CDH23: variants seen among roughly 807,000 people sequenced by gnomAD.
The protein encoded by CDH23 is cadherin related 23, also known as cadherin-23.
In CDH23, 189 loss-of-function variants were observed where a neutral mutation model predicts 317.1. The observed-to-expected ratio is 0.60, with a 90% confidence interval of 0.53 to 0.67. The LOEUF is 0.67. Among genes scored for constraint, CDH23 ranks in the 30% least tolerant of loss-of-function variants. The pLI, the probability that CDH23 is intolerant of heterozygous loss-of-function variation, is 0.00. For synonymous variants in CDH23, 1,839 were observed against 1,876.8 expected (o/e 0.98, Z 0.52); for missense variants, 4,401 against 4,592.4 (o/e 0.96, Z 1.20).
intron 6 of CDH23, among the ~76,000 whole-genome samples, chr10:71,513,589 A>C (rs1854115604): frequency 1.3e-5 from 2 of 152,216 alleles, no homozygotes; most frequent in South Asian, 4.1e-4. Flanking sequence ...CAGGGTGATC[A>C]GAGAAATCTC....
chr10:71,786,415 C>G (rs1466809418), intron 44 of CDH23, among the ~76,000 whole-genome samples: 5 of 151,932 alleles, frequency 3.3e-5, no homozygotes, highest in Non-Finnish European at 5.9e-5. Context: ...TCGGTCTAGC[C>G]AGAGGAGACG....
chr10:71,724,581 C>T (rs772138435), intron 29 of CDH23, among the ~76,000 whole-genome samples: 1 of 152,196 alleles, frequency 6.6e-6, no homozygotes, highest in Non-Finnish European at 1.5e-5. Context: ...GGATTACAGG[C>T]GTGAGCCACC....
chr10:71,441,934 C>T (rs897627420), intron 2 of CDH23, among the ~76,000 whole-genome samples: 6 of 152,118 alleles, frequency 3.9e-5, no homozygotes, highest in African/African-American at 7.2e-5. Flanking sequence ...GTCCCTTGGG[C>T]GAGTGTCTTA....
intron 9 of CDH23, among the ~76,000 whole-genome samples, chr10:71,578,820 A>G (rs1036152271): frequency 6.6e-6 from 1 of 152,210 alleles, no homozygotes. Context: ...CCGAAAGGAC[A>G]TCTGGCCACC....
At chr10:71,803,616 GC>G (rs1222335312) in intron 55 of CDH23, among the ~76,000 whole-genome samples, 196 bp downstream of exon 55, 1 of 152,040 alleles carries the variant, frequency 6.6e-6, no homozygotes, top group African/African-American at 2.4e-5. Flanking sequence ...AAGCAGACCT[GC>G]CCAGTGCCAC....
At chr10:71,473,166 A>T (rs1055961712) in intron 3 of CDH23, among the ~76,000 whole-genome samples, 1 of 152,200 alleles carries the variant, frequency 6.6e-6, no homozygotes, top group Non-Finnish European at 1.5e-5. Context: ...CCTGGCCTCC[A>T]TTCCCGCCTG....
chr10:71,671,385 A>G (rs1445913668), intron 14 of CDH23, among the ~76,000 whole-genome samples: 2 of 152,168 alleles, frequency 1.3e-5, no homozygotes, highest in Non-Finnish European at 1.5e-5. Flanking sequence ...AGGGAGACAG[A>G]GATGCTCATT....
At chr10:71,627,190 T>G (rs1324190905) in intron 11 of CDH23, among the ~76,000 whole-genome samples, 1 of 152,154 alleles carries the variant, frequency 6.6e-6, no homozygotes, top group African/African-American at 2.4e-5. Context: ...AAGGCCTCGG[T>G]TGTCTCACAG....
chr10:71,513,755 T>C (rs1019127328), intron 6 of CDH23, among the ~76,000 whole-genome samples: 1 of 152,050 alleles, frequency 6.6e-6, no homozygotes, highest in Non-Finnish European at 1.5e-5. Context: ...AACTAGGGAG[T>C]TGAACCCAGC....
At chr10:71,702,356 A>G in intron 23 of CDH23, 145 bp downstream of exon 23, 1 of 1,140,940 alleles carries the variant, frequency 8.8e-7, no homozygotes, top group Non-Finnish European at 1.3e-6. Flanking sequence ...CCCAGTTGTG[A>G]CTCCTAGAGC....
intron 1 of CDH23, among the ~76,000 whole-genome samples, chr10:71,415,717 A>G (rs1474304506): frequency 6.6e-6 from 1 of 152,128 alleles, no homozygotes; most frequent in Non-Finnish European, 1.5e-5. Flanking sequence ...TGTGAGGTTC[A>G]AAGTGTTTTC....
chr10:71,767,270 G>C (rs556677722), intron 38 of CDH23, among the ~76,000 whole-genome samples: 53 of 152,320 alleles, frequency 3.5e-4, no homozygotes, highest in African/African-American at 1.2e-3. Context: ...GTGTGGACAG[G>C]CCTGTGTATT....
At chr10:71,584,767 A>T (rs764402250) in intron 9 of CDH23, among the ~76,000 whole-genome samples, 1 of 152,224 alleles carries the variant, frequency 6.6e-6, no homozygotes, top group Non-Finnish European at 1.5e-5. Context: ...GTAAAAACTC[A>T]GGAAAAGCAG....
intron 12 of CDH23, 67 bp downstream of exon 12, chr10:71,643,933 G>A (rs1293673373): frequency 9.2e-6 from 7 of 763,416 alleles, no homozygotes; most frequent in Admixed American, 1.7e-5. Context: ...AGTGGGGAGG[G>A]GCTTTGAAAA....
intron 38 of CDH23, chr10:71,760,523 G>A: frequency 4.7e-6 from 1 of 212,160 alleles, no homozygotes; most frequent in Non-Finnish European, 9.5e-6. Flanking sequence ...AGGACCCCCA[G>A]CCTTCCCAAG....
At chr10:71,752,500 A>C (rs996610995) in intron 38 of CDH23, among the ~76,000 whole-genome samples, 4 of 152,118 alleles carry the variant, frequency 2.6e-5, no homozygotes, top group Non-Finnish European at 4.4e-5. Flanking sequence ...GCACACCAAT[A>C]CACAGTCCCC....
intron 38 of CDH23, among the ~76,000 whole-genome samples, chr10:71,766,518 C>G (rs532355972): frequency 6.6e-6 from 1 of 152,302 alleles, no homozygotes; most frequent in African/African-American, 2.4e-5. Flanking sequence ...CATTGTGTGC[C>G]CTTGGGCAGA....
chr10:71,494,935 G>A (rs1852875166), intron 3 of CDH23, among the ~76,000 whole-genome samples: 1 of 152,080 alleles, frequency 6.6e-6, no homozygotes, highest in Admixed American at 6.5e-5. Flanking sequence ...ATGAATAAAG[G>A]GTGTGTACCC....
In CDH23 at chr10:71,694,380, G is replaced by A. The variant is rs78667948; in HGVS notation, c.2289+121G>A. 4.2e-4 allele frequency: 322 copies of A among 759,710 alleles called. 2 individuals are homozygous for A. The African/African-American group carries it at 5.0e-3, about 12-fold the overall frequency. The allele number at this position is 759,710 out of a possible 1,614,324, so 47.1% of individuals were successfully genotyped here. On this transcript the variant is annotated intron_variant, in intron 21 of 69. Coordinates refer to ENST00000224721, the MANE Select transcript of CDH23 (RefSeq NM_022124.6). ...TGAGGCTTTGTGAGAATGAGCAAGG[G>A]GGCGAAAATGAACCCATCAGCAGCA...
Sources: allele counts gnomAD v4.1 joint callset (sites outside exome capture counted in the v4.1 genomes callset), GRCh38; gene constraint gnomAD v4.1.1; transcripts MANE v1.5; gene names NCBI Gene and HGNC (gene_info 2026-07-23, HGNC 2026-07-21).